Variants in PRDM5 observed in about 807,000 individuals in gnomAD.
PRDM5 encodes the protein PR/SET domain 5, also known as PR domain zinc finger protein 5.
In PRDM5, 56 loss-of-function variants were observed where a neutral mutation model predicts 81.2. The observed-to-expected ratio is 0.69, with a 90% CI of 0.56 to 0.86. The LOEUF (loss-of-function observed/expected upper bound fraction) is 0.86, where lower values mean the gene tolerates loss of function less well. PRDM5 is among the 40% of genes least tolerant of loss of function. The probability of loss-of-function intolerance (pLI) is 0.00; values close to 1 mark genes in which losing one functional copy is unlikely to be tolerated. For missense variants in PRDM5, 697 were observed against 770.1 expected, an observed-to-expected ratio of 0.91 and a Z score of 1.12; for synonymous variants, 267 against 256.4, an observed-to-expected ratio of 1.04 and a Z score of -0.39.
intron 2 of PRDM5, among the ~76,000 whole-genome samples, chr4:120,883,427 C>T (rs1003557242): frequency 1.3e-5 from 2 of 152,008 alleles, no homozygotes; most frequent in Non-Finnish European, 2.9e-5. Context: ...TCAATCCACA[C>T]AAAAATTTTC....
chr4:120,760,118 T>G (rs550815838), intron 13 of PRDM5, among the ~76,000 whole-genome samples: 1 of 152,358 alleles, frequency 6.6e-6, no homozygotes, highest in East Asian at 1.9e-4. Flanking sequence ...CTTAACCTCA[T>G]GCCATCACAT....
rs1752449030 is a variant in PRDM5, at chr4:120,803,591, T to A, written c.946-3846A>T. Among the ~76,000 whole-genome samples, 5 of 152,114 alleles carry A rather than the reference T, an allele frequency of 3.3e-5. No homozygotes were observed. The South Asian group carries it at 1.0e-3, about 32-fold the overall frequency. Reference sequence around the variant, plus strand: ...AAAGAATTTTCAACCCAGCATTTCATATCCAGCCAAACTAAGCTTCATAGG... The same window carrying A: ...AAAGAATTTTCAACCCAGCATTTCAAATCCAGCCAAACTAAGCTTCATAGG... On this transcript the variant is annotated intron_variant, in intron 8 of 15. Coordinates refer to ENST00000264808, the MANE Select transcript of PRDM5 (RefSeq NM_018699.4).
chr4:120,811,789 T>C (rs1485624909), intron 7 of PRDM5, among the ~76,000 whole-genome samples: 1 of 152,078 alleles, frequency 6.6e-6, no homozygotes, highest in Non-Finnish European at 1.5e-5. Context: ...CGGGTACATG[T>C]GATGTTTCAA....
intron 14 of PRDM5, 36 bp downstream of exon 14, chr4:120,754,516 TC>T: frequency 7.1e-7 from 1 of 1,399,850 alleles, no homozygotes; most frequent in Non-Finnish European, 1.0e-6. Context: ...AGTATGGTTT[TC>T]ATGATCAATA....
At chr4:120,841,489 C>A (rs1758028922) in intron 3 of PRDM5, among the ~76,000 whole-genome samples, 1 of 152,166 alleles carries the variant, frequency 6.6e-6, no homozygotes, top group Non-Finnish European at 1.5e-5. Flanking sequence ...TGTGTTGTAT[C>A]CATTACATTT....
chr4:120,910,139 T>C (rs1383047115), intron 1 of PRDM5, among the ~76,000 whole-genome samples: 1 of 152,182 alleles, frequency 6.6e-6, no homozygotes, highest in South Asian at 2.1e-4. Flanking sequence ...GATTCACAGC[T>C]TGAAAAACAC....
chr4:120,911,452 T>G (rs1766498200), intron 1 of PRDM5, among the ~76,000 whole-genome samples: 1 of 152,218 alleles, frequency 6.6e-6, no homozygotes, highest in Non-Finnish European at 1.5e-5. Context: ...ATCTTTGTTT[T>G]TATTCAAACT....
intron 13 of PRDM5, among the ~76,000 whole-genome samples, chr4:120,755,534 C>A (rs538894389): frequency 1.3e-5 from 2 of 150,288 alleles, no homozygotes; most frequent in East Asian, 3.9e-4. Context: ...GGCCTTCTGA[C>A]TAGCAGTGTA....
intron 3 of PRDM5, among the ~76,000 whole-genome samples, chr4:120,834,912 T>C (rs1221360554): frequency 6.6e-6 from 1 of 152,222 alleles, no homozygotes. Flanking sequence ...TCATTTCTCC[T>C]GGCTCTCATG....
chr4:120,780,274 A>G (rs1748847564), intron 12 of PRDM5, among the ~76,000 whole-genome samples: 1 of 151,892 alleles, frequency 6.6e-6, no homozygotes, highest in East Asian at 1.9e-4. Flanking sequence ...GCAAGACCCT[A>G]TCTCTACAAA....
intron 2 of PRDM5, among the ~76,000 whole-genome samples, chr4:120,887,401 T>C (rs1360938107): frequency 6.6e-6 from 1 of 152,150 alleles, no homozygotes; most frequent in Non-Finnish European, 1.5e-5. Context: ...AACAGACATC[T>C]AGGTGGTCTC....
chr4:120,691,092 C>T (rs185799813), downstream of PRDM5, among the ~76,000 whole-genome samples: 135 of 152,004 alleles, frequency 8.9e-4, no homozygotes, highest in Middle Eastern at 3.4e-3. Context: ...TAAATATGAA[C>T]ATTTGTTTCA....
chr4:120,863,441 T>C (rs966721271), intron 2 of PRDM5, among the ~76,000 whole-genome samples: 7 of 152,056 alleles, frequency 4.6e-5, no homozygotes, highest in African/African-American at 1.7e-4. Flanking sequence ...GTTGGGGCAG[T>C]GTTGGGAACC....
rs185200890 is a variant in PRDM5 at position 120,842,305 on chromosome 4, G to T, written c.300+11113C>A. 9.9e-5 allele frequency among the ~76,000 whole-genome samples: 15 copies of T among 152,200 alleles called. No individual in the cohort carries two copies. The East Asian group carries it at 2.9e-3, about 29-fold the overall frequency. On this transcript the variant is annotated intron_variant, in intron 3 of 15. Coordinates refer to ENST00000264808, the MANE Select transcript of PRDM5 (RefSeq NM_018699.4). Reference sequence around the variant, plus strand: ...TGACACTTTGCCAGACCAAATACTCGCATGCACATATATTTCAGGCCAGAG... The same window carrying T: ...TGACACTTTGCCAGACCAAATACTCTCATGCACATATATTTCAGGCCAGAG...
At chr4:120,834,218 T>C (rs1024404130) in intron 3 of PRDM5, among the ~76,000 whole-genome samples, 6 of 152,188 alleles carry the variant, frequency 3.9e-5, no homozygotes, top group African/African-American at 1.2e-4. Flanking sequence ...GTTAATTTTA[T>C]ATGTGCTGAA....
At chr4:120,819,289 G>A (rs1462881281) in intron 4 of PRDM5, among the ~76,000 whole-genome samples, 1 of 151,968 alleles carries the variant, frequency 6.6e-6, no homozygotes, top group East Asian at 1.9e-4. Context: ...GTCAAATGTT[G>A]GCATATTTTT....
At chr4:120,730,159 T>C (rs577204324) in intron 14 of PRDM5, among the ~76,000 whole-genome samples, 4 of 152,316 alleles carry the variant, frequency 2.6e-5, no homozygotes, top group African/African-American at 4.8e-5. Context: ...TAGTAATGAC[T>C]ACCTGGAATT....
chr4:120,911,658 T>C (rs995195767), intron 1 of PRDM5, among the ~76,000 whole-genome samples: 1 of 152,184 alleles, frequency 6.6e-6, no homozygotes, highest in Non-Finnish European at 1.5e-5. Context: ...AAAAGCACTA[T>C]CTTCTAAGCC....
intron 8 of PRDM5, among the ~76,000 whole-genome samples, chr4:120,803,179 C>T (rs544120665): frequency 4.6e-5 from 7 of 152,234 alleles, no homozygotes; most frequent in Admixed American, 2.0e-4. Flanking sequence ...AAGAAACGAA[C>T]GAAGCCTCCA....
Sources: allele counts gnomAD v4.1 joint callset (sites outside exome capture counted in the v4.1 genomes callset), GRCh38; gene constraint gnomAD v4.1.1; transcripts MANE v1.5; gene names NCBI Gene and HGNC (gene_info 2026-07-23, HGNC 2026-07-21).